MTM1: variants seen among roughly 807,000 people sequenced by gnomAD.
MTM1 encodes the protein myotubularin.
A neutral mutation model predicts 52.1 loss-of-function variants in MTM1; 9 were observed. That is an observed-to-expected ratio of 0.17 (90% CI 0.10 to 0.30). MTM1 has a LOEUF of 0.30. Among genes scored for constraint, MTM1 ranks in the 10% least tolerant of loss-of-function variants. The probability of loss-of-function intolerance (pLI) is 1.00; values close to 1 mark genes in which losing one functional copy is unlikely to be tolerated. For synonymous variants in MTM1, 136 were observed against 163.8 expected (o/e 0.83, Z 1.29); for missense variants, 277 against 470.7 (o/e 0.59, Z 3.81).
At chrX:150,663,340 G>A in intron 13 of MTM1, 93 bp from the exon 14 acceptor site, 1 of 956,732 alleles carries the variant, frequency 1.0e-6, no homozygotes, top group Non-Finnish European at 1.5e-6. Flanking sequence ...TCAATTTGAT[G>A]CTGAACTGTA....
At chrX:150,646,196 G>A (rs1465050615) in intron 9 of MTM1, among the ~76,000 whole-genome samples, 6 of 111,857 alleles carry the variant, frequency 5.4e-5, no homozygotes, top group African/African-American at 2.0e-4. Context: ...CACTATTGGG[G>A]CATCTGTAAG....
chrX:150,603,478 T>C (rs1029160680), intron 4 of MTM1, among the ~76,000 whole-genome samples: 1 of 111,260 alleles, frequency 9.0e-6, no homozygotes, highest in Admixed American at 9.5e-5. Flanking sequence ...CCTAGGTAAG[T>C]GATAAGGGCC....
chrX:150,619,148 C>T lies in MTM1; in HGVS notation c.444+9C>T. 8.6e-7 allele frequency: 1 copy of T among 1,156,132 alleles called. No homozygotes were observed. Among genetic ancestry groups the T allele is most frequent in the Non-Finnish European group, 1.2e-6 (1 of 844,600 alleles). On this transcript the variant is annotated intron_variant, in intron 6 of 14. Transcript: ENST00000370396. ...CCCTGGCTCACAGTCTGGTAAATTC[C>T]AGTGCTCTCCTCAGCGTGGGAAGGT...
intron 1 of MTM1, among the ~76,000 whole-genome samples, chrX:150,571,304 T>G (rs1353032314): frequency 3.6e-5 from 4 of 112,314 alleles, no homozygotes; most frequent in Non-Finnish European, 7.5e-5. Context: ...AGTTCTTTAT[T>G]TCCTTTTTGG....
chrX:150,631,547 C>T (rs1322209138), intron 6 of MTM1, among the ~76,000 whole-genome samples: 1 of 108,166 alleles, frequency 9.2e-6, no homozygotes, highest in African/African-American at 3.4e-5. Flanking sequence ...CCTATAATTC[C>T]AGCTACTCAC....
intron 4 of MTM1, among the ~76,000 whole-genome samples, chrX:150,611,502 T>C (rs1218106396): frequency 8.9e-6 from 1 of 112,109 alleles, no homozygotes; most frequent in Non-Finnish European, 1.9e-5. Context: ...TTTTTTATTT[T>C]GAAATAATTA....
chrX:150,648,933 G>A (rs782294459), intron 9 of MTM1, among the ~76,000 whole-genome samples: 1 of 112,513 alleles, frequency 8.9e-6, no homozygotes, highest in African/African-American at 3.2e-5. Flanking sequence ...GTGACTTAGG[G>A]GATAGTTAAC....
chrX:150,646,342 G>C (rs190340428), intron 9 of MTM1, among the ~76,000 whole-genome samples: 1 of 112,995 alleles, frequency 8.8e-6, no homozygotes, highest in Non-Finnish European at 1.9e-5. Flanking sequence ...GTAGGTCCAC[G>C]TATGTGAGTT....
chrX:150,568,314 A>G (rs2038290924), upstream of MTM1, among the ~76,000 whole-genome samples: 1 of 113,245 alleles, frequency 8.8e-6, no homozygotes, highest in South Asian at 3.5e-4. Flanking sequence ...GCCCAGTCCA[A>G]CTTCCCTTAC....
chrX:150,567,646 C>T (rs5925331), upstream of MTM1, among the ~76,000 whole-genome samples: 14,173 of 110,949 alleles, frequency 0.13, 717 homozygotes, highest in Admixed American at 0.22. Context: ...CTCTCCCTCC[C>T]GGGTTCAAGC....
At chrX:150,648,107 C>CT (rs2039964753) in intron 9 of MTM1, among the ~76,000 whole-genome samples, 1 of 111,298 alleles carries the variant, frequency 9.0e-6, no homozygotes, top group African/African-American at 3.3e-5. Context: ...TAGCTAATAA[C>CT]TTTTTTAAAA....
intron 6 of MTM1, among the ~76,000 whole-genome samples, chrX:150,627,601 T>C (rs1010738641): frequency 8.9e-6 from 1 of 112,111 alleles, no homozygotes; most frequent in South Asian, 3.7e-4. Flanking sequence ...ACATTAAATG[T>C]AATTTATAAT....
At chrX:150,565,753 C>T (rs1557411208), upstream of MTM1, among the ~76,000 whole-genome samples, 1 of 111,952 alleles carries the variant, frequency 8.9e-6, no homozygotes, top group Non-Finnish European at 1.9e-5. Flanking sequence ...TAGGAGGTGC[C>T]TCCAGCCCTC....
intron 1 of MTM1, among the ~76,000 whole-genome samples, chrX:150,574,813 C>T (rs782035782): frequency 2.7e-5 from 3 of 112,074 alleles, no homozygotes; most frequent in African/African-American, 9.7e-5. Flanking sequence ...CCGCCTCAGT[C>T]ATAATTTACA....
intron 11 of MTM1, 48 bp from the exon 12 acceptor site, chrX:150,659,616 G>A: frequency 1.9e-6 from 2 of 1,056,265 alleles, no homozygotes; most frequent in Non-Finnish European, 2.7e-6. Flanking sequence ...TGCTTTCTCA[G>A]TTTTGTACCC....
Position 150,596,352 on chromosome X carries a change from G to T in MTM1, c.64-146G>T. On this transcript the variant is annotated intron_variant, in intron 2 of 14. Transcript: ENST00000370396. ...GTGCCAGATTGTAACTTTTTTGTTT[G>T]AATTTTTGTGCCAGTTTTCCCAAAT... is the stretch of plus-strand genomic sequence containing the variant. 8 of 476,437 alleles carry T rather than the reference G, an allele frequency of 1.7e-5. No homozygotes were observed. The Admixed American group carries it at 1.9e-4, about 11-fold the overall frequency. 39.3% of individuals were successfully genotyped at this position (476,437 alleles called of 1,213,427 possible). A position where few individuals can be genotyped will look rare whatever the true frequency, so the allele number is the denominator to read the frequency against.
At chrX:150,580,399 C>A (rs1273910521) in intron 1 of MTM1, among the ~76,000 whole-genome samples, 2 of 111,927 alleles carry the variant, frequency 1.8e-5, no homozygotes, top group African/African-American at 6.5e-5. Flanking sequence ...ACTGCTCCTT[C>A]AAAAGACATA....
chrX:150,578,615 T>TCCAG (rs782514633), intron 1 of MTM1, among the ~76,000 whole-genome samples: 1 of 112,118 alleles, frequency 8.9e-6, no homozygotes, highest in Non-Finnish European at 1.9e-5. Flanking sequence ...ATCAAACTGT[T>TCCAG]CCAGCATCAT....
At chrX:150,595,161 GC>G (rs2038953829) in intron 2 of MTM1, among the ~76,000 whole-genome samples, 1 of 111,427 alleles carries the variant, frequency 9.0e-6, no homozygotes, top group Admixed American at 9.5e-5. Context: ...CATTTGCATA[GC>G]CTCTGATAAT....
Sources: gnomAD v4.1 joint callset for allele counts (sites outside exome capture counted in the v4.1 genomes callset) on GRCh38, gnomAD v4.1.1 for gene constraint, MANE v1.5 for transcripts, NCBI Gene and HGNC (gene_info 2026-07-23, HGNC 2026-07-21) for gene names.